The following ATG5 variants were observed in gnomAD, a reference collection of about 807,000 sequenced individuals.
The protein encoded by ATG5 is autophagy related 5, also known as autophagy protein 5.
Under a neutral mutation model 36.5 loss-of-function variants are expected in ATG5, and 14 were observed. The ratio of observed to expected loss-of-function variants is 0.38; its 90% confidence interval spans 0.25 to 0.60. The LOEUF (loss-of-function observed/expected upper bound fraction) is 0.60. Ranked by LOEUF, ATG5 falls within the 20% of genes least tolerant of loss-of-function variation. The probability of loss-of-function intolerance (pLI) is 0.60; values close to 1 mark genes in which losing one functional copy is unlikely to be tolerated. For synonymous variants in ATG5, 95 were observed against 101.5 expected, an observed-to-expected ratio of 0.94 and a Z score of 0.38; for missense variants, 195 against 326.7, an observed-to-expected ratio of 0.60 and a Z score of 3.11.
At chr6:106,266,750 C>T (rs770021837) in intron 5 of ATG5, among the ~76,000 whole-genome samples, 15 of 152,120 alleles carry the variant, frequency 9.9e-5, no homozygotes, top group Non-Finnish European at 1.6e-4. Context: ...ATGACAAAAA[C>T]CACATGATTC....
At chr6:106,223,322 TGTA>T (rs1312611034) in intron 6 of ATG5, among the ~76,000 whole-genome samples, 1 of 152,140 alleles carries the variant, frequency 6.6e-6, no homozygotes, top group South Asian at 2.1e-4. Flanking sequence ...AAAATAGAAA[TGTA>T]ATTTTAAACT....
At chr6:106,200,464 A>T (rs1247499015) in intron 7 of ATG5, among the ~76,000 whole-genome samples, 1 of 151,850 alleles carries the variant, frequency 6.6e-6, no homozygotes, top group Non-Finnish European at 1.5e-5. Context: ...TATATAATAA[A>T]TACAACTCTG....
intron 1 of ATG5, among the ~76,000 whole-genome samples, chr6:106,325,107 T>C (rs542108871): frequency 6.6e-6 from 1 of 152,350 alleles, no homozygotes; most frequent in African/African-American, 2.4e-5. Context: ...AATATTGTTA[T>C]TGAGACAGGG....
intron 6 of ATG5, among the ~76,000 whole-genome samples, chr6:106,227,448 T>G (rs1001779947): frequency 3.3e-5 from 5 of 152,058 alleles, no homozygotes; most frequent in African/African-American, 1.2e-4. Flanking sequence ...ATAAAAAGAT[T>G]GGCTGAATGT....
intron 6 of ATG5, among the ~76,000 whole-genome samples, chr6:106,233,624 C>CA (rs1175185797): frequency 6.6e-6 from 1 of 152,150 alleles, no homozygotes; most frequent in Non-Finnish European, 1.5e-5. Flanking sequence ...GCGGCAGTAG[C>CA]AGTCTTAGTA....
chr6:106,225,760 T>C lies in ATG5; in HGVS notation c.573+22390A>G, dbSNP rs1001153922. On this transcript the variant is annotated intron_variant, in intron 6 of 7. Coordinates refer to ENST00000369076, the MANE Select transcript of ATG5 (RefSeq NM_004849.4). ...CCTCCCTCATAGGACATTATTTGAC[T>C]TGACTCAGAGCTCACTCAGTGCAAA... Among the ~76,000 whole-genome samples the C allele has an allele frequency of 1.8e-4, 28 of 152,206 alleles. 1 individual carries two copies.
chr6:106,324,115 G>A (rs914376973), intron 1 of ATG5, among the ~76,000 whole-genome samples: 2 of 151,918 alleles, frequency 1.3e-5, no homozygotes, highest in Admixed American at 6.6e-5. Context: ...GCCACTTGAC[G>A]TACACAGTTG....
chr6:106,209,773 A>T (rs752914226), intron 6 of ATG5, among the ~76,000 whole-genome samples: 2 of 152,196 alleles, frequency 1.3e-5, no homozygotes, highest in Non-Finnish European at 1.5e-5. Context: ...ATTGGGGGAA[A>T]CTAGATGAAG....
At position 106,321,699 on chromosome 6, in the gene ATG5, T is replaced by C. The variant is rs565256935; in HGVS notation, c.-59+3827A>G. Among the ~76,000 whole-genome samples, 470 of 152,266 alleles carry C rather than the reference T, an allele frequency of 3.1e-3. 2 individuals are homozygous for C. Among genetic ancestry groups the C allele is most frequent in the Admixed American group, 6.0e-3 (92 of 15,300 alleles). On this transcript the variant is annotated intron_variant, in intron 1 of 7. Coordinates refer to ENST00000369076, the MANE Select transcript of ATG5 (RefSeq NM_004849.4). ...AAGTGTCGGCTTAATATCAGCTCCT[T>C]GGGAAGTTTTCCCCTATGCAGCCTC...
At chr6:106,287,384 C>G (rs527616405) in intron 4 of ATG5, among the ~76,000 whole-genome samples, 10 of 152,358 alleles carry the variant, frequency 6.6e-5, no homozygotes, top group African/African-American at 9.6e-5. Flanking sequence ...CAGGATTTGC[C>G]TGCTGTGCTT....
intron 6 of ATG5, among the ~76,000 whole-genome samples, chr6:106,208,023 C>T (rs1034970146): frequency 2.6e-4 from 39 of 152,212 alleles, no homozygotes; most frequent in African/African-American, 8.9e-4. Context: ...ACCCAGGGGG[C>T]GGAGGTTGCA....
At chr6:106,266,194 C>T (rs201668696) in intron 5 of ATG5, among the ~76,000 whole-genome samples, 1 of 152,078 alleles carries the variant, frequency 6.6e-6, no homozygotes, top group East Asian at 1.9e-4. Flanking sequence ...AAATACAAAC[C>T]ACCATCAGAG....
intron 5 of ATG5, among the ~76,000 whole-genome samples, chr6:106,271,296 A>G (rs1407551818): frequency 2.0e-5 from 3 of 152,194 alleles, no homozygotes; most frequent in African/African-American, 7.2e-5. Flanking sequence ...ATTCATGTTG[A>G]AATCCTAACC....
intron 6 of ATG5, among the ~76,000 whole-genome samples, chr6:106,205,104 G>C (rs1776582263): frequency 6.6e-6 from 1 of 152,178 alleles, no homozygotes; most frequent in Non-Finnish European, 1.5e-5. Flanking sequence ...GTTGGTGAAA[G>C]GCTTTTTCTG....
In ATG5 at chr6:106,239,547, A is replaced by C. The variant is rs114161726; in HGVS notation, c.573+8603T>G. Among the ~76,000 whole-genome samples, 866 of 152,342 alleles carry C rather than the reference A, an allele frequency of 5.7e-3. 10 individuals carry two copies. The highest frequency in any genetic ancestry group is 0.02 in the African/African-American group (831 of 41,580). ...AAAGTATGAAAAAAGGAGACAAATG[A>C]ATTGCTCCAACAGATATCAGAACGC... On this transcript the variant is annotated intron_variant, in intron 6 of 7. Transcript: ENST00000369076.
At chr6:106,318,534 A>G (rs893675558) in intron 1 of ATG5, among the ~76,000 whole-genome samples, 3 of 152,226 alleles carry the variant, frequency 2.0e-5, no homozygotes, top group Non-Finnish European at 4.4e-5. Flanking sequence ...CCAAAGTTCT[A>G]CAGTAGGATT....
intron 6 of ATG5, 55 bp downstream of exon 6, chr6:106,248,095 A>G (rs567149009): frequency 7.2e-7 from 1 of 1,380,560 alleles, no homozygotes; most frequent in East Asian, 2.3e-5. Flanking sequence ...GAGTGCTTCA[A>G]TTAAGATGTC....
chr6:106,282,938 C>G (rs933162180), intron 4 of ATG5, among the ~76,000 whole-genome samples: 5 of 152,064 alleles, frequency 3.3e-5, no homozygotes, highest in African/African-American at 1.2e-4. Flanking sequence ...AGGTGTACAC[C>G]ACCACACTCA....
intron 5 of ATG5, among the ~76,000 whole-genome samples, chr6:106,267,564 G>A (rs892769685): frequency 7.2e-5 from 11 of 152,164 alleles, no homozygotes; most frequent in African/African-American, 2.7e-4. Flanking sequence ...GAAGCTGGAG[G>A]CATCATGCTA....
Sources: gnomAD v4.1 joint callset for allele counts (sites outside exome capture counted in the v4.1 genomes callset) on GRCh38, gnomAD v4.1.1 for gene constraint, MANE v1.5 for transcripts, NCBI Gene and HGNC (gene_info 2026-07-23, HGNC 2026-07-21) for gene names.